Variants in AUNIP observed in about 807,000 individuals in gnomAD.
The protein encoded by AUNIP is aurora kinase A- and ninein-interacting protein.
AUNIP carries 16 observed loss-of-function variants against 12.2 expected under a neutral mutation model. That is an observed-to-expected ratio of 1.31 (90% CI 0.88 to 1.99). The LOEUF (loss-of-function observed/expected upper bound fraction) is 1.99, where lower values mean the gene tolerates loss of function less well. Ranked by LOEUF, AUNIP falls within the 30% of genes most tolerant of loss-of-function variation. The pLI, the probability that AUNIP is intolerant of heterozygous loss-of-function variation, is 0.00. For missense variants in AUNIP, 411 were observed against 419.1 expected (o/e 0.98, Z 0.17); for synonymous variants, 142 against 154.8 (o/e 0.92, Z 0.61).
In AUNIP at chr1:25,837,537, T is replaced by A; in HGVS notation, c.96A>T (p.Pro32=). Residue 32 remains proline (P), a synonymous_variant, in exon 2 of 3, where the codon CCA becomes CCT. Coordinates refer to ENST00000374298, the MANE Select transcript of AUNIP (RefSeq NM_024037.3). Reference sequence around the variant, plus strand: ...GAAGGAGTGTTAGCATTTTGGTGCCTGGTTTGATTAAATGTGTCTGAGAAA... The same window carrying A: ...GAAGGAGTGTTAGCATTTTGGTGCCAGGTTTGATTAAATGTGTCTGAGAAA... The part of the protein sequence containing the change: ...RRKVQTHLIK[P]GTKMLTLLPG... 1.2e-6 allele frequency: 2 copies of A among 1,613,362 alleles called. No homozygotes were observed. Among genetic ancestry groups the A allele is most frequent in the South Asian group, 2.2e-5 (2 of 90,944 alleles).
At chr1:25,839,401 A>C (rs1045941063) in intron 1 of AUNIP, among the ~76,000 whole-genome samples, 2 of 152,224 alleles carry the variant, frequency 1.3e-5, no homozygotes, top group Non-Finnish European at 2.9e-5. Context: ...CCAGGCAATG[A>C]AACTGCAAAC....
At chr1:25,855,526 T>C (rs1400145224) in intron 1 of AUNIP, among the ~76,000 whole-genome samples, 1 of 152,134 alleles carries the variant, frequency 6.6e-6, no homozygotes, top group Non-Finnish European at 1.5e-5. Context: ...AAATCTAGTA[T>C]ACATACAAGG....
chr1:25,848,270 C>T (rs1250784153), intron 1 of AUNIP, among the ~76,000 whole-genome samples: 1 of 151,976 alleles, frequency 6.6e-6, no homozygotes, highest in Non-Finnish European at 1.5e-5. Flanking sequence ...TGGCCAGGTG[C>T]GGTGGCTCGT....
At chr1:25,840,315 A>G (rs982426678) in intron 1 of AUNIP, among the ~76,000 whole-genome samples, 3 of 152,198 alleles carry the variant, frequency 2.0e-5, no homozygotes, top group African/African-American at 7.2e-5. Flanking sequence ...TAGTAACACA[A>G]ACTATACAAA....
At chr1:25,839,355 C>T (rs2124498751) in intron 1 of AUNIP, among the ~76,000 whole-genome samples, 1 of 152,352 alleles carries the variant, frequency 6.6e-6, no homozygotes, top group East Asian at 1.9e-4. Flanking sequence ...TTACTGAATA[C>T]TAACCTACAC....
intron 1 of AUNIP, among the ~76,000 whole-genome samples, chr1:25,854,164 C>G (rs2048442913): frequency 6.6e-6 from 1 of 152,120 alleles, no homozygotes; most frequent in African/African-American, 2.4e-5. Context: ...GAGCCAAGAT[C>G]ATGCCACTGC....
At chr1:25,838,375 C>T (rs1386300543) in intron 1 of AUNIP, among the ~76,000 whole-genome samples, 3 of 152,046 alleles carry the variant, frequency 2.0e-5, no homozygotes, top group Admixed American at 6.6e-5. Flanking sequence ...TGGTGGCAAG[C>T]GCCTGTAGCC....
intron 1 of AUNIP, among the ~76,000 whole-genome samples, chr1:25,843,695 C>T (rs974833799): frequency 6.0e-5 from 9 of 149,746 alleles, no homozygotes; most frequent in Non-Finnish European, 1.0e-4. Flanking sequence ...TTCCAGCTCT[C>T]GTGGATGACT....
At chr1:25,859,164 C>T (rs1174305330) in intron 1 of AUNIP, 116 bp downstream of exon 1, 6 of 1,105,864 alleles carry the variant, frequency 5.4e-6, no homozygotes, top group Non-Finnish European at 6.5e-6. Flanking sequence ...AACGCTGTTC[C>T]CTTCTCTGTC....
In AUNIP at chr1:25,843,913, G is replaced by A. The variant is rs140760996; in HGVS notation, c.79-6359C>T. On this transcript the variant is annotated intron_variant, in intron 1 of 2. Coordinates refer to ENST00000374298, the MANE Select transcript of AUNIP (RefSeq NM_024037.3). ...GGAGTCTACTCCTGGTGAGGATGCCGTGAACATTGTTGAAAAGACAACAAA... is the reference window on the plus strand; with the variant it reads ...GGAGTCTACTCCTGGTGAGGATGCCATGAACATTGTTGAAAAGACAACAAA... Among the ~76,000 whole-genome samples the A allele has an allele frequency of 3.9e-5, 6 of 152,234 alleles. No homozygotes were observed. In the East Asian group the frequency reaches 5.8e-4, roughly 15 times the overall value.
intron 1 of AUNIP, among the ~76,000 whole-genome samples, chr1:25,852,572 T>C (rs541137938): frequency 2.2e-4 from 33 of 151,732 alleles, no homozygotes; most frequent in African/African-American, 7.7e-4. Flanking sequence ...CCTGAGTAGC[T>C]GGGATTACAG....
intron 1 of AUNIP, among the ~76,000 whole-genome samples, chr1:25,856,616 A>G (rs1177525558): frequency 6.6e-6 from 1 of 152,146 alleles, no homozygotes; most frequent in Non-Finnish European, 1.5e-5. Flanking sequence ...TGGAGGTTGC[A>G]GTGAGCTGAG....
At chr1:25,840,939 GAAT>G (rs1334520884) in intron 1 of AUNIP, among the ~76,000 whole-genome samples, 1 of 152,202 alleles carries the variant, frequency 6.6e-6, no homozygotes, top group African/African-American at 2.4e-5. Context: ...GCTTAAGAGA[GAAT>G]AATAGACTAA....
chr1:25,834,666 C>A lies in AUNIP; in HGVS notation c.*327G>T. On this transcript the variant is annotated 3_prime_UTR_variant, in exon 3 of 3. Coordinates refer to ENST00000374298, the MANE Select transcript of AUNIP (RefSeq NM_024037.3). ...CATAAGCAAGGTCCCAGTCAGACAT[C>A]TGGAAGGGCAAAGAGATGGCTCTGT... 1 of 1,050,544 alleles carries A rather than the reference C, an allele frequency of 9.5e-7. No individual in the cohort carries two copies. The allele number at this position is 1,050,544 out of a possible 1,614,324, so 65.1% of individuals were successfully genotyped here.
chr1:25,849,948 AT>A (rs1428830195), intron 1 of AUNIP, among the ~76,000 whole-genome samples: 1 of 152,032 alleles, frequency 6.6e-6, no homozygotes, highest in African/African-American at 2.4e-5. Flanking sequence ...TAGATATACC[AT>A]TTTGTTTACC....
rs112639785 is a variant in AUNIP at position 25,856,363 on chromosome 1, C to CAA, written c.78+2915_78+2916dup. Among the ~76,000 whole-genome samples, 455 of 128,504 alleles carry CAA rather than the reference C, an allele frequency of 3.5e-3. 6 individuals are homozygous for CAA. Among genetic ancestry groups the CAA allele is most frequent in the African/African-American group, 0.013 (443 of 34,722 alleles). The allele number at this position is 128,504 out of a possible 152,430, so 84.3% of individuals were successfully genotyped here. Reference sequence around the variant, plus strand: ...TGGGTGACAGAGCAAGACTCCATCTCAAAAAAAAAAAAACAAAACAAACAA... The same window carrying CAA: ...TGGGTGACAGAGCAAGACTCCATCTCAAAAAAAAAAAAAAACAAAACAAACAA... On this transcript the variant is annotated intron_variant, in intron 1 of 2. Transcript: ENST00000374298.
At position 25,839,390 on chromosome 1, in the gene AUNIP, G is replaced by A. The variant is rs189099907; in HGVS notation, c.79-1836C>T. On this transcript the variant is annotated intron_variant, in intron 1 of 2. Coordinates refer to ENST00000374298, the MANE Select transcript of AUNIP (RefSeq NM_024037.3). Reference sequence around the variant, plus strand: ...CATGTATTAGGTGAAACCCCACAAAGCCAGGCAATGAAACTGCAAACTGGA... The same window carrying A: ...CATGTATTAGGTGAAACCCCACAAAACCAGGCAATGAAACTGCAAACTGGA... Among the ~76,000 whole-genome samples the A allele has an allele frequency of 2.6e-3, 397 of 152,312 alleles. 2 individuals carry two copies. Among genetic ancestry groups the A allele is most frequent in the African/African-American group, 8.9e-3 (370 of 41,570 alleles).
At chr1:25,840,951 A>G (rs2048343572) in intron 1 of AUNIP, among the ~76,000 whole-genome samples, 1 of 152,262 alleles carries the variant, frequency 6.6e-6, no homozygotes, top group Non-Finnish European at 1.5e-5. Flanking sequence ...ATAATAGACT[A>G]ATAAATAGTT....
At chr1:25,848,621 A>G (rs2048403934) in intron 1 of AUNIP, among the ~76,000 whole-genome samples, 1 of 152,068 alleles carries the variant, frequency 6.6e-6, no homozygotes, top group Non-Finnish European at 1.5e-5. Flanking sequence ...GCTTTGGGCC[A>G]CACCAAATAA....
Sources: gnomAD v4.1 joint callset for allele counts (sites outside exome capture counted in the v4.1 genomes callset) on GRCh38, gnomAD v4.1.1 for gene constraint, MANE v1.5 for transcripts, NCBI Gene and HGNC (gene_info 2026-07-23, HGNC 2026-07-21) for gene names.